The following WNK2 variants were observed in gnomAD, a reference collection of about 807,000 sequenced individuals.
The protein encoded by WNK2 is serine/threonine-protein kinase WNK2.
In WNK2, 67 loss-of-function variants were observed where a neutral mutation model predicts 192.1. The ratio of observed to expected loss-of-function variants is 0.35; its 90% CI spans 0.29 to 0.43. The LOEUF (loss-of-function observed/expected upper bound fraction) is 0.43, where lower values mean the gene tolerates loss of function less well. Among genes scored for constraint, WNK2 ranks in the 20% least tolerant of loss-of-function variants. The pLI is 1.00. For missense variants in WNK2, 2,698 were observed against 3,089.7 expected (o/e 0.87, Z 3.01); for synonymous variants, 1,439 against 1,393.9 (o/e 1.03, Z -0.72).
At chr9:93,256,768 C>G (rs1283319440) in intron 10 of WNK2, 180 bp from the exon 11 acceptor site, 5 of 698,532 alleles carry the variant, frequency 7.2e-6, no homozygotes, top group Non-Finnish European at 9.2e-6. Context: ...GTTTGGTGAT[C>G]TGTGTGTCTG....
At chr9:93,313,785 C>T (rs1277284764) in intron 28 of WNK2, among the ~76,000 whole-genome samples, 1 of 151,952 alleles carries the variant, frequency 6.6e-6, no homozygotes, top group East Asian at 1.9e-4. Flanking sequence ...TTGTCATATA[C>T]AAGGGGGCTT....
At chr9:93,268,215 G>A (rs1423034298) in intron 18 of WNK2, 150 bp downstream of exon 18, 5 of 1,092,442 alleles carry the variant, frequency 4.6e-6, no homozygotes, top group African/African-American at 3.1e-5. Flanking sequence ...TGCCCTGTCC[G>A]AGGAGCTGTC....
chr9:93,196,319 G>T (rs1410444932), intron 2 of WNK2, among the ~76,000 whole-genome samples: 1 of 152,124 alleles, frequency 6.6e-6, no homozygotes. Flanking sequence ...GCTGTGAGCC[G>T]ACTGTGGGAA....
chr9:93,295,278 C>T (rs1850062042), intron 23 of WNK2, among the ~76,000 whole-genome samples: 1 of 150,144 alleles, frequency 6.7e-6, no homozygotes, highest in Non-Finnish European at 1.5e-5. Flanking sequence ...ATAAGACGCT[C>T]CCCTGCCCAC....
intron 19 of WNK2, among the ~76,000 whole-genome samples, chr9:93,272,642 G>A (rs993235888): frequency 1.3e-5 from 2 of 149,874 alleles, no homozygotes; most frequent in Admixed American, 1.4e-4. Context: ...GGAGGCTGAG[G>A]CAGGAGAATC....
chr9:93,271,238 C>T (rs1034378310), intron 19 of WNK2, among the ~76,000 whole-genome samples: 6 of 152,300 alleles, frequency 3.9e-5, no homozygotes, highest in Middle Eastern at 3.4e-3. Flanking sequence ...GGTTGCAACT[C>T]GCAGTCTGAA....
In WNK2 at chr9:93,259,750, A is replaced by G; in HGVS notation, c.3066+136A>G. On this transcript the variant is annotated intron_variant, in intron 12 of 29. Transcript: ENST00000427277. The surrounding 1 kb of genome is among the most constrained non-coding windows in gnomAD (Gnocchi z 4.8). ...CCCCTCTCAGGAAGAGATGTGTGTG[A>G]GGCTGAGGGAGGCGGGGGCTGGCGC... is the stretch of plus-strand genomic sequence containing the variant. 1 of 813,822 alleles carries G rather than the reference A, an allele frequency of 1.2e-6. No individual in the cohort carries two copies. The highest frequency in any genetic ancestry group is 1.9e-6 in the Non-Finnish European group (1 of 536,058). 50.4% of individuals were successfully genotyped at this position (813,822 alleles called of 1,614,324 possible).
intron 26 of WNK2, among the ~76,000 whole-genome samples, chr9:93,301,599 G>A (rs1387269200): frequency 2.0e-5 from 3 of 152,094 alleles, no homozygotes; most frequent in Non-Finnish European, 2.9e-5. Context: ...CCACCCCTGC[G>A]TCTCTGGGTC....
chr9:93,247,812 G>C lies in WNK2; in HGVS notation c.1812G>C (p.Pro604=). 6.5e-7 allele frequency: 1 copy of C among 1,540,878 alleles called. No homozygotes were observed. Among genetic ancestry groups the C allele is most frequent in the Non-Finnish European group, 8.7e-7 (1 of 1,147,820 alleles). The change falls in exon 8 of 30, where the codon CCG becomes CCC. Residue 604 remains proline (P), a synonymous_variant. Transcript: ENST00000427277. The surrounding 1 kb of genome is among the most constrained non-coding windows in gnomAD (Gnocchi z 5.2). ...ADQHLLPPTL[P]TSATSLASDS... is the part of the protein sequence containing the mutation. Reference sequence around the variant, plus strand: ...AGCACCTCCTGCCACCTACGTTGCCGACCAGCGCCACCTCCCTGGCCTGTG... The same window carrying C: ...AGCACCTCCTGCCACCTACGTTGCCCACCAGCGCCACCTCCCTGGCCTGTG...
rs1023392838 is a variant in WNK2 at position 93,257,024 on chromosome 9, C to T, written c.2267C>T (p.Pro756Leu). Residue 756 changes from proline (P) to leucine (L), a missense_variant, in exon 11 of 30, where the codon CCC becomes CTC. Transcript: ENST00000427277. This position sits in a 1 kb window ranked among gnomAD's most constrained non-coding sequence, Gnocchi z 4.7. ...PQPVVPLQPV[P>L]PHLPPYLAPA... The stretch of plus-strand genomic sequence containing the variant: ...CCCGTGGTCCCCCTCCAGCCGGTTC[C>T]CCCCCACCTGCCACCGTACCTGGCT... 1 of 1,603,868 alleles carries T rather than the reference C, an allele frequency of 6.2e-7. No homozygotes were observed. Among genetic ancestry groups the T allele is most frequent in the Non-Finnish European group, 8.5e-7 (1 of 1,177,652 alleles).
intron 2 of WNK2, among the ~76,000 whole-genome samples, chr9:93,219,393 G>T (rs1028162835): frequency 6.6e-5 from 10 of 152,268 alleles, no homozygotes; most frequent in African/African-American, 2.2e-4. Context: ...ATGCTCATCA[G>T]TTCTTCTGAC....
At chr9:93,188,370 T>A (rs759453478) in intron 2 of WNK2, among the ~76,000 whole-genome samples, 11 of 152,214 alleles carry the variant, frequency 7.2e-5, no homozygotes, top group Non-Finnish European at 1.3e-4. Context: ...CTGATTTCCT[T>A]TGATAAATTA....
intron 19 of WNK2, among the ~76,000 whole-genome samples, chr9:93,281,175 T>G (rs1248171969): frequency 1.3e-5 from 2 of 152,174 alleles, no homozygotes; most frequent in Non-Finnish European, 2.9e-5. Flanking sequence ...TATATGCCTG[T>G]GTCAAAACTT....
rs1031341868 is a variant in WNK2, at chr9:93,259,676, A to T, written c.3066+62A>T. 1.4e-6 allele frequency: 2 copies of T among 1,422,684 alleles called. No homozygotes were observed. The highest frequency in any genetic ancestry group is 5.1e-5 in the Admixed American group (2 of 39,494). The allele number at this position is 1,422,684 out of a possible 1,614,324, so 88.1% of individuals were successfully genotyped here. A position where few individuals can be genotyped will look rare whatever the true frequency, so the allele number is the denominator to read the frequency against. The stretch of plus-strand genomic sequence containing the variant: ...GTCTGGGGACCCTCAGGACCCAGAG[A>T]TGCAAAGGAGGACAGAGGCAGGCAA... On this transcript the variant is annotated intron_variant, in intron 12 of 29. Coordinates refer to ENST00000427277, the MANE Select transcript of WNK2 (RefSeq NM_006648.4). The surrounding 1 kb of genome is among the most constrained non-coding windows in gnomAD (Gnocchi z 4.8).
At chr9:93,301,196 A>G (rs939874843) in intron 26 of WNK2, among the ~76,000 whole-genome samples, 2 of 151,652 alleles carry the variant, frequency 1.3e-5, no homozygotes, top group African/African-American at 4.9e-5. Flanking sequence ...AAAAGCTGTG[A>G]GATTTTTAGG....
At chr9:93,254,412 C>G (rs965278705) in intron 9 of WNK2, among the ~76,000 whole-genome samples, 2 of 152,348 alleles carry the variant, frequency 1.3e-5, no homozygotes, top group East Asian at 3.9e-4. Context: ...TTGATGTCGG[C>G]TGAGCGTGGG....
At chr9:93,264,816 C>A (rs980292205) in intron 16 of WNK2, among the ~76,000 whole-genome samples, 1 of 152,236 alleles carries the variant, frequency 6.6e-6, no homozygotes, top group African/African-American at 2.4e-5. Flanking sequence ...CAGATGGCCA[C>A]CAAGTGCCTG....
At chr9:93,308,027 T>C in intron 27 of WNK2, 2 of 431,178 alleles carry the variant, frequency 4.6e-6, no homozygotes, top group East Asian at 4.1e-5. Context: ...AGTCTGGGGA[T>C]GGGCAGCGGT....
intron 26 of WNK2, among the ~76,000 whole-genome samples, chr9:93,300,527 C>T (rs921269688): frequency 4.6e-5 from 7 of 151,402 alleles, no homozygotes; most frequent in Admixed American, 3.9e-4. Context: ...TTTTCTGTTG[C>T]AATTGTGGCA....
Sources: gnomAD v4.1 joint callset for allele counts (sites outside exome capture counted in the v4.1 genomes callset) on GRCh38, gnomAD v4.1.1 for gene constraint, Gnocchi (gnomAD v3.1) non-coding constraint, MANE v1.5 for transcripts, NCBI Gene and HGNC (gene_info 2026-07-23, HGNC 2026-07-21) for gene names.